NRG3: variants seen among roughly 807,000 people sequenced by gnomAD.
NRG3 encodes the protein pro-neuregulin-3, membrane-bound isoform.
A neutral mutation model predicts 66.9 loss-of-function variants in NRG3; 31 were observed. That is an observed-to-expected ratio of 0.46 (90% CI 0.35 to 0.63). The LOEUF is 0.63. Ranked by LOEUF, NRG3 falls within the 20% of genes least tolerant of loss-of-function variation. NRG3 has a pLI of 0.00. For missense variants in NRG3, 910 were observed against 878.9 expected (o/e 1.04, Z -0.45); for synonymous variants, 393 against 359.4 (o/e 1.09, Z -1.06).
chr10:81,990,570 T>G (rs971366386), intron 1 of NRG3, among the ~76,000 whole-genome samples: 6 of 152,168 alleles, frequency 3.9e-5, no homozygotes, highest in Admixed American at 3.3e-4. Flanking sequence ...GCAGTAAGGA[T>G]AATTAAGTAA....
At chr10:82,819,633 T>G (rs1249979682) in intron 3 of NRG3, among the ~76,000 whole-genome samples, 1 of 152,248 alleles carries the variant, frequency 6.6e-6, no homozygotes, top group Admixed American at 6.5e-5. Flanking sequence ...GGTGACATAC[T>G]AAAATAGATG....
chr10:81,945,508 T>G (rs1430278621), intron 1 of NRG3, among the ~76,000 whole-genome samples: 1 of 152,170 alleles, frequency 6.6e-6, no homozygotes, highest in East Asian at 1.9e-4. Flanking sequence ...TTCTGGAAAT[T>G]GAGTCATTGG....
At chr10:82,360,953 C>T (rs1016830652) in intron 2 of NRG3, among the ~76,000 whole-genome samples, 1 of 152,138 alleles carries the variant, frequency 6.6e-6, no homozygotes, top group Non-Finnish European at 1.5e-5. Context: ...AGGACATCAG[C>T]CATATTAGAT....
rs1260449002 is a variant in NRG3, at chr10:82,170,202, C to T, written c.824-188537C>T. On this transcript the variant is annotated intron_variant, in intron 1 of 8. Coordinates refer to ENST00000372141, the MANE Select transcript of NRG3 (RefSeq NM_001010848.4). The stretch of plus-strand genomic sequence containing the variant: ...CCATTCTAATGGAGTCCCATCTGTT[C>T]CTGGCCTATGGGTTTCTGAAATATA... 5.3e-5 allele frequency among the ~76,000 whole-genome samples: 8 copies of T among 152,120 alleles called. No homozygotes were observed. The East Asian group carries it at 1.5e-3, about 29-fold the overall frequency.
chr10:82,395,115 A>G (rs990916975), intron 2 of NRG3, among the ~76,000 whole-genome samples: 3 of 152,198 alleles, frequency 2.0e-5, no homozygotes, highest in African/African-American at 7.2e-5. Flanking sequence ...CCATGAGAAG[A>G]ACGTATGCCA....
chr10:82,848,418 T>A (rs770667022), intron 3 of NRG3, among the ~76,000 whole-genome samples: 2 of 152,140 alleles, frequency 1.3e-5, no homozygotes, highest in African/African-American at 2.4e-5. Flanking sequence ...TTTCTCCAAT[T>A]TGGAATGGGT....
intron 2 of NRG3, among the ~76,000 whole-genome samples, chr10:82,597,160 C>T (rs956201074): frequency 1.1e-4 from 16 of 152,224 alleles, no homozygotes; most frequent in African/African-American, 3.9e-4. Flanking sequence ...CCGTAAAGAA[C>T]CAGCTGGAAA....
chr10:82,162,596 T>C (rs975092421), intron 1 of NRG3, among the ~76,000 whole-genome samples: 3 of 152,162 alleles, frequency 2.0e-5, no homozygotes, highest in African/African-American at 7.2e-5. Context: ...CTGCCCTTTT[T>C]CACTGAACCC....
At chr10:82,461,964 C>A (rs191568448) in intron 2 of NRG3, among the ~76,000 whole-genome samples, 1 of 152,042 alleles carries the variant, frequency 6.6e-6, no homozygotes, top group Non-Finnish European at 1.5e-5. Context: ...AACCCCGTCT[C>A]TACTAAAAAT....
At chr10:82,645,221 T>C (rs1381230396) in intron 2 of NRG3, among the ~76,000 whole-genome samples, 1 of 152,172 alleles carries the variant, frequency 6.6e-6, no homozygotes, top group African/African-American at 2.4e-5. Flanking sequence ...CACCAACATT[T>C]ACACAAGACT....
At chr10:82,359,716 C>G (rs2084002019) in intron 2 of NRG3, among the ~76,000 whole-genome samples, 2 of 152,112 alleles carry the variant, frequency 1.3e-5, no homozygotes, top group Non-Finnish European at 2.9e-5. Context: ...ATCCACACCC[C>G]TTTTCTTCTC....
At chr10:82,983,133 C>T (rs1033161327) in intron 8 of NRG3, among the ~76,000 whole-genome samples, 6 of 152,174 alleles carry the variant, frequency 3.9e-5, no homozygotes, top group African/African-American at 1.4e-4. Context: ...ATTCTACCTG[C>T]TGGTATACCC....
chr10:82,163,104 GT>G (rs1312913176), intron 1 of NRG3, among the ~76,000 whole-genome samples: 1 of 151,960 alleles, frequency 6.6e-6, no homozygotes, highest in East Asian at 1.9e-4. Flanking sequence ...GCTCTCCCTG[GT>G]TTTTATTGGC....
At chr10:82,179,872 G>C (rs145645531) in intron 1 of NRG3, among the ~76,000 whole-genome samples, 1,592 of 151,978 alleles carry the variant, frequency 0.01, 33 homozygotes, top group African/African-American at 0.037. Flanking sequence ...GTCAAGAAAA[G>C]TAGAATGTAT....
intron 4 of NRG3, among the ~76,000 whole-genome samples, chr10:82,895,573 C>A (rs1843582520): frequency 6.7e-6 from 1 of 148,470 alleles, no homozygotes. Flanking sequence ...TCACTGCAAG[C>A]TCTGCCTCCC....
intron 2 of NRG3, among the ~76,000 whole-genome samples, chr10:82,435,193 A>G: frequency 6.6e-6 from 1 of 152,036 alleles, no homozygotes; most frequent in Non-Finnish European, 1.5e-5. Flanking sequence ...GCATCCAGGA[A>G]TTTATCCATT....
Position 82,906,696 on chromosome 10 carries a change from C to T in NRG3, c.1054+41259C>T, listed in dbSNP as rs373391236. 4.6e-5 allele frequency among the ~76,000 whole-genome samples: 7 copies of T among 152,212 alleles called. No homozygotes were observed. In the East Asian group the frequency reaches 5.8e-4, roughly 13 times the overall value. ...TGACTAACATCCTAATATGCTTTCT[C>T]GCATTTTTTTAACATAAGGCAATCC... On this transcript the variant is annotated intron_variant, in intron 4 of 8. Coordinates refer to ENST00000372141, the MANE Select transcript of NRG3 (RefSeq NM_001010848.4).
intron 3 of NRG3, among the ~76,000 whole-genome samples, chr10:82,819,523 C>T (rs1463685778): frequency 6.6e-6 from 1 of 152,078 alleles, no homozygotes; most frequent in Admixed American, 6.6e-5. Flanking sequence ...TCCTTTGTCA[C>T]CCTAAATGTA....
intron 1 of NRG3, among the ~76,000 whole-genome samples, chr10:82,170,656 A>ATATG (rs2072509882): frequency 2.8e-5 from 1 of 36,142 alleles, no homozygotes; most frequent in Non-Finnish European, 4.7e-5. Context: ...AACTTGTGGT[A>ATATG]TATATATATA....
Sources: gnomAD v4.1 joint callset for allele counts (sites outside exome capture counted in the v4.1 genomes callset) on GRCh38, gnomAD v4.1.1 for gene constraint, MANE v1.5 for transcripts, NCBI Gene and HGNC (gene_info 2026-07-23, HGNC 2026-07-21) for gene names.